The following AGBL1 variants were observed in gnomAD, a reference collection of about 807,000 sequenced individuals.
The protein encoded by AGBL1 is AGBL carboxypeptidase 1.
A neutral mutation model predicts 118.9 loss-of-function variants in AGBL1; 130 were observed. The ratio of observed to expected loss-of-function variants is 1.09; its 90% CI spans 0.95 to 1.26. The LOEUF (loss-of-function observed/expected upper bound fraction) is 1.26. Ranked by LOEUF, AGBL1 falls within the 50% of genes most tolerant of loss-of-function variation. AGBL1 has a pLI of 0.00. For missense variants in AGBL1, 1,584 were observed against 1,298.1 expected (o/e 1.22, Z -3.38); for synonymous variants, 555 against 478.9 (o/e 1.16, Z -2.08).
At chr15:86,220,171 G>T (rs578065948) in intron 5 of AGBL1, among the ~76,000 whole-genome samples, 1 of 152,034 alleles carries the variant, frequency 6.6e-6, no homozygotes, top group Admixed American at 6.6e-5. Flanking sequence ...CCAGGCTGGC[G>T]TTGAACTCTT....
At chr15:86,927,791 C>T (rs370435271) in intron 23 of AGBL1, among the ~76,000 whole-genome samples, 2 of 152,210 alleles carry the variant, frequency 1.3e-5, no homozygotes, top group South Asian at 2.1e-4. Context: ...ACCTCTAGGG[C>T]AGTTGTTCCT....
chr15:86,545,524 T>A (rs1410803754), intron 19 of AGBL1, among the ~76,000 whole-genome samples: 1 of 152,118 alleles, frequency 6.6e-6, no homozygotes, highest in African/African-American at 2.4e-5. Context: ...TACCCATTAG[T>A]TATTTTTCCT....
At chr15:86,450,545 T>G (rs2082180355) in intron 18 of AGBL1, among the ~76,000 whole-genome samples, 1 of 152,204 alleles carries the variant, frequency 6.6e-6, no homozygotes, top group African/African-American at 2.4e-5. Context: ...TTGAACAGTA[T>G]TCATTCTGTT....
chr15:86,143,808 G>GT lies in AGBL1; in HGVS notation c.225_226insT (p.Pro76SerfsTer14), dbSNP rs2076996977. On this transcript the variant is annotated frameshift_variant, in exon 3 of 23. Coordinates refer to ENST00000614907, the MANE Select transcript of AGBL1 (RefSeq NM_001386094.1). LOFTEE classifies it high-confidence loss of function. ...CTCCTCCAGACTATGACATCCTCCT[G>GT]CCTCTCTTCCGGCTGCTGGCCAAAG... 6.2e-7 allele frequency: 1 copy of GT among 1,613,704 alleles called. No individual in the cohort carries two copies. Among genetic ancestry groups the GT allele is most frequent in the Non-Finnish European group, 8.5e-7 (1 of 1,179,800 alleles).
In AGBL1 at chr15:86,716,551, C is replaced by G. The variant is rs77505996; in HGVS notation, c.3158+42115C>G. ...CAAGATATTAAAGATAACCAACTGA[C>G]CAAGACTTGGAAGGGAGCAAGAAAA... On this transcript the variant is annotated intron_variant, in intron 22 of 22. Coordinates refer to ENST00000614907, the MANE Select transcript of AGBL1 (RefSeq NM_001386094.1). 2.2e-3 allele frequency among the ~76,000 whole-genome samples: 329 copies of G among 152,130 alleles called. 1 individual carries two copies. Among genetic ancestry groups the G allele is most frequent in the African/African-American group, 7.5e-3 (311 of 41,490 alleles).
At chr15:86,326,507 G>T (rs1222007322) in intron 17 of AGBL1, among the ~76,000 whole-genome samples, 7 of 152,202 alleles carry the variant, frequency 4.6e-5, no homozygotes, top group Admixed American at 4.6e-4. Context: ...TGCAGAAAAA[G>T]AAGTGATTCA....
At chr15:86,207,819 G>A (rs1287604479) in intron 5 of AGBL1, among the ~76,000 whole-genome samples, 6 of 152,112 alleles carry the variant, frequency 3.9e-5, no homozygotes, top group African/African-American at 1.2e-4. Context: ...TCTCTTGCCT[G>A]ATTGCCCTGA....
chr15:86,290,911 A>G (rs532227142), intron 16 of AGBL1, among the ~76,000 whole-genome samples: 9 of 152,006 alleles, frequency 5.9e-5, no homozygotes, highest in African/African-American at 1.7e-4. Flanking sequence ...TCATTGTTCA[A>G]TTCCCACCTA....
intron 21 of AGBL1, among the ~76,000 whole-genome samples, chr15:86,574,659 T>C (rs2084058731): frequency 7.3e-6 from 1 of 136,092 alleles, no homozygotes; most frequent in Non-Finnish European, 1.5e-5. Context: ...CTTACTGCAA[T>C]CTCCACCTCC....
At chr15:86,627,212 C>G (rs150635318) in intron 21 of AGBL1, among the ~76,000 whole-genome samples, 4,642 of 152,168 alleles carry the variant, frequency 0.031, 225 homozygotes, top group African/African-American at 0.1. Flanking sequence ...GTTGGTCAGG[C>G]TAGTCTCGAA....
chr15:86,307,018 A>AT (rs1438637361), intron 17 of AGBL1, among the ~76,000 whole-genome samples: 1 of 151,932 alleles, frequency 6.6e-6, no homozygotes, highest in Non-Finnish European at 1.5e-5. Context: ...GGATCATTCA[A>AT]TTTTTTCCTA....
rs138484978 is a variant in AGBL1 at position 86,949,568 on chromosome 15, G to C, written c.3222-38419G>C. Among the ~76,000 whole-genome samples the C allele has an allele frequency of 4.2e-4, 64 of 152,048 alleles. 1 individual carries two copies. In the East Asian group the frequency reaches 0.012, roughly 28 times the overall value. On this transcript the variant is annotated intron_variant, in intron 23 of 24. Coordinates refer to the AGBL1 transcript ENST00000441037. ...ATATATTAATAATAAAGTAGACTCT[G>C]AGACAAAAAATACTGCTAAAGAAAA...
chr15:86,822,833 A>G (rs1372145211), intron 22 of AGBL1, among the ~76,000 whole-genome samples: 1 of 152,016 alleles, frequency 6.6e-6, no homozygotes, highest in Non-Finnish European at 1.5e-5. Context: ...GAGGATAAAT[A>G]CTGAAGAGCA....
At chr15:86,846,006 C>A (rs1014061867) in intron 22 of AGBL1, among the ~76,000 whole-genome samples, 3 of 152,210 alleles carry the variant, frequency 2.0e-5, no homozygotes, top group African/African-American at 7.2e-5. Context: ...GAGACTGTCT[C>A]CTTCAGTTTG....
chr15:86,340,973 T>C (rs2080452889), intron 17 of AGBL1, among the ~76,000 whole-genome samples: 2 of 152,110 alleles, frequency 1.3e-5, no homozygotes, highest in South Asian at 4.2e-4. Flanking sequence ...GTGGTGAAAG[T>C]CCCTACTCTC....
intron 21 of AGBL1, among the ~76,000 whole-genome samples, chr15:86,653,765 C>T (rs1304747077): frequency 2.0e-5 from 3 of 152,118 alleles, no homozygotes; most frequent in African/African-American, 7.2e-5. Flanking sequence ...GATGGCTTTC[C>T]ACTTGGTGCT....
intron 22 of AGBL1, among the ~76,000 whole-genome samples, chr15:86,866,502 A>G (rs535921583): frequency 6.6e-6 from 1 of 152,282 alleles, no homozygotes; most frequent in Non-Finnish European, 1.5e-5. Context: ...ATTATTGAGC[A>G]CCTACTCTTT....
intron 23 of AGBL1, among the ~76,000 whole-genome samples, chr15:86,927,577 A>G (rs2080558113): frequency 6.6e-6 from 1 of 152,120 alleles, no homozygotes; most frequent in African/African-American, 2.4e-5. Flanking sequence ...ACAGAGCAAG[A>G]CCCCATCTTT....
At chr15:86,567,035 A>T (rs1244566691) in intron 21 of AGBL1, among the ~76,000 whole-genome samples, 4 of 152,230 alleles carry the variant, frequency 2.6e-5, no homozygotes, top group African/African-American at 9.6e-5. Flanking sequence ...CACCATTTTC[A>T]TAGTAAAAAC....
Sources: gnomAD v4.1 joint callset for allele counts (sites outside exome capture counted in the v4.1 genomes callset) on GRCh38, gnomAD v4.1.1 for gene constraint, MANE v1.5 for transcripts, NCBI Gene and HGNC (gene_info 2026-07-23, HGNC 2026-07-21) for gene names.